Variants in XPNPEP1 observed in about 807,000 individuals in gnomAD.
XPNPEP1 encodes xaa-Pro aminopeptidase 1.
In XPNPEP1, 39 loss-of-function variants were observed where a neutral mutation model predicts 92.4. The ratio of observed to expected loss-of-function variants is 0.42; its 90% CI spans 0.33 to 0.55. The LOEUF (loss-of-function observed/expected upper bound fraction) is 0.55, where lower values mean the gene tolerates loss of function less well. XPNPEP1 is among the 20% of genes least tolerant of loss of function. The probability of loss-of-function intolerance (pLI) is 0.08; values close to 1 mark genes in which losing one functional copy is unlikely to be tolerated. For synonymous variants in XPNPEP1, 307 were observed against 299.4 expected, an observed-to-expected ratio of 1.03 and a Z score of -0.26; for missense variants, 654 against 856.1, an observed-to-expected ratio of 0.76 and a Z score of 2.95.
chr10:109,901,503 T>C (rs1849289305), intron 3 of XPNPEP1, among the ~76,000 whole-genome samples: 1 of 152,238 alleles, frequency 6.6e-6, no homozygotes, highest in Non-Finnish European at 1.5e-5. Context: ...TAAATCCTAC[T>C]TTCTCCATGA....
chr10:109,917,697 G>A (rs967021369), intron 1 of XPNPEP1, among the ~76,000 whole-genome samples: 1 of 152,142 alleles, frequency 6.6e-6, no homozygotes, highest in African/African-American at 2.4e-5. Flanking sequence ...ACAAAATCTT[G>A]AAAAGAACTC....
intron 1 of XPNPEP1, among the ~76,000 whole-genome samples, chr10:109,919,163 T>C (rs915664835): frequency 3.3e-5 from 5 of 152,174 alleles, no homozygotes; most frequent in Non-Finnish European, 7.3e-5. Context: ...GAATTTAAAA[T>C]GTTTGTGTTT....
intron 12 of XPNPEP1, among the ~76,000 whole-genome samples, chr10:109,879,905 T>C (rs904158492): frequency 1.3e-5 from 2 of 152,224 alleles, no homozygotes; most frequent in African/African-American, 2.4e-5. Flanking sequence ...AGACTCATTT[T>C]TCCTTATAAT....
intron 3 of XPNPEP1, among the ~76,000 whole-genome samples, chr10:109,903,273 T>C (rs982130531): frequency 2.0e-5 from 3 of 152,164 alleles, no homozygotes; most frequent in Non-Finnish European, 4.4e-5. Flanking sequence ...AATCTTTCTG[T>C]ACACTGAGGC....
In XPNPEP1 at chr10:109,897,125, T is replaced by C. The variant is rs185059594; in HGVS notation, c.247-4050A>G. Among the ~76,000 whole-genome samples the C allele has an allele frequency of 8.9e-3, 1,349 of 152,330 alleles. 16 individuals carry two copies. The highest frequency in any genetic ancestry group is 0.02 in the Middle Eastern group (6 of 294). ...TCCTACTCAGCTCTGATTTCTGAAA[T>C]GCAGGCCACATGTTGCTAACCTTCA... On this transcript the variant is annotated intron_variant, in intron 3 of 20. Transcript: ENST00000502935.
intron 3 of XPNPEP1, among the ~76,000 whole-genome samples, chr10:109,902,857 C>G (rs1284671877): frequency 6.6e-6 from 1 of 152,242 alleles, no homozygotes; most frequent in African/African-American, 2.4e-5. Context: ...TCTGATATTG[C>G]AGGATCATTA....
chr10:109,872,537 A>G (rs975926204), intron 16 of XPNPEP1, among the ~76,000 whole-genome samples: 10 of 152,250 alleles, frequency 6.6e-5, no homozygotes, highest in African/African-American at 2.4e-4. Flanking sequence ...ACACCAAAAG[A>G]ATCCTAGACG....
intron 15 of XPNPEP1, among the ~76,000 whole-genome samples, chr10:109,874,813 G>T (rs981151093): frequency 3.9e-5 from 6 of 152,318 alleles, no homozygotes; most frequent in African/African-American, 1.4e-4. Flanking sequence ...GCCGGGCGTG[G>T]TGGCGGGCAC....
intron 17 of XPNPEP1, among the ~76,000 whole-genome samples, chr10:109,871,343 A>C (rs1391486056): frequency 6.6e-6 from 1 of 152,180 alleles, no homozygotes; most frequent in Non-Finnish European, 1.5e-5. Flanking sequence ...GTCAATGCCC[A>C]GTCCAATGCT....
chr10:109,891,130 A>T (rs985201134), intron 5 of XPNPEP1: 1 of 152,376 alleles, frequency 6.6e-6, no homozygotes, highest in Non-Finnish European at 1.5e-5. Context: ...TTCAATAAAC[A>T]TTGATCTATA....
chr10:109,901,750 C>A (rs2133494710), intron 3 of XPNPEP1, among the ~76,000 whole-genome samples: 1 of 152,324 alleles, frequency 6.6e-6, no homozygotes, highest in Non-Finnish European at 1.5e-5. Flanking sequence ...ATGTTTAGAA[C>A]AACTTGGGTA....
At chr10:109,873,272 T>G in intron 16 of XPNPEP1, 95 bp downstream of exon 16, 1 of 1,461,448 alleles carries the variant, frequency 6.8e-7, no homozygotes, top group Non-Finnish European at 9.5e-7. Flanking sequence ...ACCCCACATG[T>G]AATTTTTACT....
At chr10:109,866,060 G>C (rs1847125695) in intron 20 of XPNPEP1, among the ~76,000 whole-genome samples, 3 of 152,152 alleles carry the variant, frequency 2.0e-5, no homozygotes, top group African/African-American at 7.2e-5. Flanking sequence ...AGTGAAGCAG[G>C]TTTTACCAAG....
chr10:109,906,694 G>T (rs1172082098), intron 3 of XPNPEP1, among the ~76,000 whole-genome samples: 1 of 152,054 alleles, frequency 6.6e-6, no homozygotes, highest in Non-Finnish European at 1.5e-5. Context: ...TACTTCCCTG[G>T]TCTCTTGCCA....
chr10:109,898,083 T>C (rs1197440614), intron 3 of XPNPEP1, among the ~76,000 whole-genome samples: 1 of 152,148 alleles, frequency 6.6e-6, no homozygotes, highest in Non-Finnish European at 1.5e-5. Context: ...GAATACGAGG[T>C]GTATGCTGCA....
At chr10:109,904,766 G>T (rs996639192) in intron 3 of XPNPEP1, among the ~76,000 whole-genome samples, 1 of 152,230 alleles carries the variant, frequency 6.6e-6, no homozygotes, top group Non-Finnish European at 1.5e-5. Flanking sequence ...AATAGCAAGT[G>T]TTGGTGAGGA....
rs559586306 is a variant in XPNPEP1, at chr10:109,919,805, G to A, written c.32+3597C>T. On this transcript the variant is annotated intron_variant, in intron 1 of 20. Transcript: ENST00000502935. ...TCCCAGCACTTTGGGAGGCTGAGAC[G>A]GGCAGATCATGAGGTCAAGAGATAG... Among the ~76,000 whole-genome samples, 11 of 152,252 alleles carry A rather than the reference G, an allele frequency of 7.2e-5. No individual in the cohort carries two copies. The South Asian group carries it at 1.0e-3, about 14-fold the overall frequency.
Position 109,882,610 on chromosome 10 carries a change from G to A in XPNPEP1, c.863C>T (p.Pro288Leu), listed in dbSNP as rs1263223063. 3 of 1,614,144 alleles carry A rather than the reference G, an allele frequency of 1.9e-6. No homozygotes were observed. Among genetic ancestry groups the A allele is most frequent in the East Asian group, 2.2e-5 (1 of 44,888 alleles). ...AAGAAGCAGGTGCTCCTTCACACTG[G>A]GGGCGTCTATGCGGTCACCATCAAT... ...LFIDGDRIDA[P>L]SVKEHLLLDL... Residue 288 changes from proline to leucine, a missense_variant, in exon 10 of 21, where the codon CCC (proline) becomes CTC (leucine). Coordinates refer to ENST00000502935, the MANE Select transcript of XPNPEP1 (RefSeq NM_020383.4).
intron 19 of XPNPEP1, 55 bp downstream of exon 19, chr10:109,869,898 C>A: frequency 2.5e-6 from 4 of 1,572,698 alleles, no homozygotes; most frequent in Non-Finnish European, 3.5e-6. Flanking sequence ...TGAGGTCTAT[C>A]CGAGGCGTGA....
Sources: allele counts gnomAD v4.1 joint callset (sites outside exome capture counted in the v4.1 genomes callset), GRCh38; gene constraint gnomAD v4.1.1; transcripts MANE v1.5; gene names NCBI Gene and HGNC (gene_info 2026-07-23, HGNC 2026-07-21).